The following PGBD5 variants were observed in gnomAD, a reference collection of about 807,000 sequenced individuals.
PGBD5 encodes piggyBac transposable element-derived protein 5.
Under a neutral mutation model 47.9 loss-of-function variants are expected in PGBD5, and 14 were observed. The ratio of observed to expected loss-of-function variants is 0.29; its 90% CI spans 0.19 to 0.46. PGBD5 has a LOEUF of 0.46. Among genes scored for constraint, PGBD5 ranks in the 20% least tolerant of loss-of-function variants. The pLI, the probability that PGBD5 is intolerant of heterozygous loss-of-function variation, is 1.00. For synonymous variants in PGBD5, 316 were observed against 306.3 expected (o/e 1.03, Z -0.33); for missense variants, 635 against 716.0 (o/e 0.89, Z 1.29).
rs79877199 is a variant in PGBD5 at position 230,352,987 on chromosome 1, T to C, written c.760-1895A>G. ...AAAGTGCACCTCTATTCCACTTGCA[T>C]TGAACATATGATCAGTTGCAAATTT... On this transcript the variant is annotated intron_variant, in intron 2 of 6. Transcript: ENST00000391860. Among the ~76,000 whole-genome samples the C allele has an allele frequency of 8.7e-4, 132 of 152,336 alleles. No individual in the cohort carries two copies. In the East Asian group the frequency reaches 0.021, roughly 25 times the overall value.
In PGBD5 at chr1:230,357,377, G is replaced by A. The variant is rs549098413; in HGVS notation, c.332-56C>T. ...TAGGACGGCCGCCACACCCTGACTC[G>A]ACACGAGAACGGCTGCATTTCCAAT... On this transcript the variant is annotated intron_variant, in intron 1 of 6. Coordinates refer to ENST00000391860, the MANE Select transcript of PGBD5 (RefSeq NM_001258311.2). The surrounding 1 kb of genome is among the most constrained non-coding windows in gnomAD (Gnocchi z 5.7). 1.2e-4 allele frequency: 183 copies of A among 1,559,230 alleles called. No individual in the cohort carries two copies. The highest frequency in any genetic ancestry group is 1.7e-4 in the Middle Eastern group (1 of 5,826).
At chr1:230,402,192 T>C (rs1657153714) in intron 1 of PGBD5, among the ~76,000 whole-genome samples, 1 of 152,212 alleles carries the variant, frequency 6.6e-6, no homozygotes, top group South Asian at 2.1e-4. Flanking sequence ...GAGCTACAGA[T>C]TCCATGTGAG....
chr1:230,367,386 T>C (rs553313191), intron 1 of PGBD5, among the ~76,000 whole-genome samples: 23 of 152,186 alleles, frequency 1.5e-4, no homozygotes, highest in African/African-American at 4.3e-4. Context: ...TCACCAGCCA[T>C]GTAGGGAGCA....
At chr1:230,365,196 C>G (rs1021759147) in intron 1 of PGBD5, among the ~76,000 whole-genome samples, 4 of 149,306 alleles carry the variant, frequency 2.7e-5, no homozygotes, top group African/African-American at 5.0e-5. Flanking sequence ...ACCTGTAGTC[C>G]CAGCTACTCA....
Position 230,392,996 on chromosome 1 carries a change from C to T in PGBD5, c.331+32602G>A, listed in dbSNP as rs560611075. 1.1e-4 allele frequency among the ~76,000 whole-genome samples: 14 copies of T among 121,968 alleles called. No homozygotes were observed. The East Asian group carries it at 1.2e-3, about 10-fold the overall frequency. The allele number at this position is 121,968 out of a possible 152,430, so 80.0% of individuals were successfully genotyped here. A position where few individuals can be genotyped will look rare whatever the true frequency, so the allele number is the denominator to read the frequency against. On this transcript the variant is annotated intron_variant, in intron 1 of 6. Transcript: ENST00000391860. ...GAGGAAAAGGGAGAGCAGTGGTGGG[C>T]GGGGGAGCAAATCAGGGAAAAGGAA...
Position 230,325,369 on chromosome 1 carries a change from G to A in PGBD5, c.1320C>T (p.Ala440=), listed in dbSNP as rs147906823. The change falls in exon 6 of 7, where the codon GCC becomes GCT. Residue 440 remains alanine (A), a synonymous_variant. Transcript: ENST00000391860. ...RKSGEIPCPL[A]VEAFAAHLSY... ...TCAGGTGAGCGGCAAACGCCTCCAC[G>A]GCCAAGGGGCATGGGATCTCCCCAC... 5.9e-5 allele frequency: 95 copies of A among 1,613,658 alleles called. No individual in the cohort carries two copies. Among genetic ancestry groups the A allele is most frequent in the Non-Finnish European group, 7.5e-5 (89 of 1,179,856 alleles).
rs1667038071 is a variant in PGBD5, at chr1:230,321,915, G to T, written c.*1510C>A. 1 of 152,606 alleles carries T rather than the reference G, an allele frequency of 6.6e-6. No homozygotes were observed. Among genetic ancestry groups the T allele is most frequent in the South Asian group, 2.1e-4 (1 of 4,834 alleles). 9.5% of individuals were successfully genotyped at this position (152,606 alleles called of 1,614,324 possible). A position where few individuals can be genotyped will look rare whatever the true frequency, so the allele number is the denominator to read the frequency against. ...CATCGATTCCAACCACAGGGCGGGG[G>T]AGTCACCATGATCTAGAGCACAGGA... On this transcript the variant is annotated 3_prime_UTR_variant, in exon 7 of 7. Transcript: ENST00000391860.
intron 1 of PGBD5, among the ~76,000 whole-genome samples, chr1:230,373,142 G>A (rs12739162): frequency 0.27 from 40,948 of 152,082 alleles, 6,694 homozygotes; most frequent in Non-Finnish European, 0.36. Context: ...GTTACAATTC[G>A]TGCATTTCAG....
intron 1 of PGBD5, among the ~76,000 whole-genome samples, chr1:230,400,861 C>T (rs948100290): frequency 6.6e-6 from 1 of 152,312 alleles, no homozygotes; most frequent in African/African-American, 2.4e-5. Flanking sequence ...AACAAAAAGG[C>T]TGCACAATTC....
chr1:230,406,249 A>T (rs1183890277), intron 1 of PGBD5, among the ~76,000 whole-genome samples: 1 of 146,354 alleles, frequency 6.8e-6, no homozygotes, highest in Non-Finnish European at 1.5e-5. Flanking sequence ...CAGAGCTTGC[A>T]GTGAGCCGAG....
In PGBD5 at chr1:230,323,336, C is replaced by T; in HGVS notation, c.*89G>A. On this transcript the variant is annotated 3_prime_UTR_variant, in exon 7 of 7. Transcript: ENST00000391860. The surrounding 1 kb of genome is among the most constrained non-coding windows in gnomAD (Gnocchi z 4.1). ...CCCAGGCAGCAAGCCACACACCAGG[C>T]CGTGTCCGGGTCTCTGATGGGCAAG... 4.1e-6 allele frequency: 6 copies of T among 1,467,914 alleles called. No homozygotes were observed. Among genetic ancestry groups the T allele is most frequent in the Admixed American group, 3.9e-5 (2 of 51,280 alleles). 90.9% of individuals were successfully genotyped at this position (1,467,914 alleles called of 1,614,324 possible). A position where few individuals can be genotyped will look rare whatever the true frequency, so the allele number is the denominator to read the frequency against.
intron 3 of PGBD5, among the ~76,000 whole-genome samples, chr1:230,349,959 T>C (rs952922555): frequency 4.6e-5 from 7 of 152,082 alleles, no homozygotes; most frequent in African/African-American, 1.7e-4. Flanking sequence ...AGATGGTGCT[T>C]TGGAGGGAAG....
At chr1:230,385,113 C>G (rs954569193) in intron 1 of PGBD5, among the ~76,000 whole-genome samples, 3 of 151,586 alleles carry the variant, frequency 2.0e-5, no homozygotes, top group African/African-American at 7.3e-5. Flanking sequence ...TATATTCACA[C>G]CCAGCGTTGG....
rs1666959915 is a variant in PGBD5 at position 230,316,870 on chromosome 1, G to A, written c.*6555C>T. ...TCGGATAGCTGGGAACACCGTCCCT[G>A]CTCATGTTTGGGGCGTGCTCCCCAG... On this transcript the variant is annotated 3_prime_UTR_variant, in exon 7 of 7. Transcript: ENST00000391860. The A allele has an allele frequency of 6.6e-6, 1 of 152,270 alleles. No individual in the cohort carries two copies. The highest frequency in any genetic ancestry group is 1.9e-4 in the East Asian group (1 of 5,196). The allele number at this position is 152,270 out of a possible 1,614,324, so 9.4% of individuals were successfully genotyped here.
Position 230,337,199 on chromosome 1 carries a change from G to A in PGBD5, c.984C>T (p.Ser328=), listed in dbSNP as rs1044600165. The A allele has an allele frequency of 1.2e-6, 2 of 1,614,092 alleles. No homozygotes were observed. The highest frequency in any genetic ancestry group is 1.3e-5 in the African/African-American group (1 of 74,944). The change falls in exon 4 of 7, where the codon AGC becomes AGT. Residue 328 remains serine (S), a synonymous_variant. Coordinates refer to ENST00000391860, the MANE Select transcript of PGBD5 (RefSeq NM_001258311.2). ...KPQLHSMVAR[S]LCRNAAGKNY... ...TCTTGCCTGCCGCGTTCCGGCACAGGCTCCTGGCCACCATGCTGTGGAGCT... is the reference window on the plus strand; with the variant it reads ...TCTTGCCTGCCGCGTTCCGGCACAGACTCCTGGCCACCATGCTGTGGAGCT...
chr1:230,374,198 C>T (rs1667977872), intron 1 of PGBD5, among the ~76,000 whole-genome samples: 2 of 152,150 alleles, frequency 1.3e-5, no homozygotes, highest in Admixed American at 1.3e-4. Flanking sequence ...GTGGGTGGAT[C>T]ATGAGGTCAG....
chr1:230,316,122 G>T lies in PGBD5; in HGVS notation c.*7303C>A, dbSNP rs913992940. ...TGTTTATGTGTACACATATATCTAT[G>T]TGTATACATACATATGTATATGTGT... On this transcript the variant is annotated 3_prime_UTR_variant, in exon 7 of 7. Coordinates refer to ENST00000391860, the MANE Select transcript of PGBD5 (RefSeq NM_001258311.2). The T allele has an allele frequency of 6.6e-6, 1 of 150,930 alleles. No individual in the cohort carries two copies. Among genetic ancestry groups the T allele is most frequent in the South Asian group, 2.1e-4 (1 of 4,768 alleles). The allele number at this position is 150,930 out of a possible 1,614,324, so 9.3% of individuals were successfully genotyped here.
intron 1 of PGBD5, among the ~76,000 whole-genome samples, chr1:230,398,892 G>C (rs117255963): frequency 1.3e-5 from 2 of 152,178 alleles, no homozygotes; most frequent in Admixed American, 1.3e-4. Context: ...AGAGCAGCTG[G>C]TCTGAAACAG....
Position 230,368,334 on chromosome 1 carries a change from G to C in PGBD5, c.332-11013C>G, listed in dbSNP as rs144326285. Among the ~76,000 whole-genome samples the C allele has an allele frequency of 3.9e-3, 587 of 152,396 alleles. 4 individuals are homozygous for C. The highest frequency in any genetic ancestry group is 0.014 in the African/African-American group (567 of 41,602). ...ACCGGGAAGAGTGTGCGGCCCGGCA[G>C]GGCAGGACCAAGGAGTCTGACTGCT... On this transcript the variant is annotated intron_variant, in intron 1 of 6. Coordinates refer to ENST00000391860, the MANE Select transcript of PGBD5 (RefSeq NM_001258311.2).
Sources: allele counts gnomAD v4.1 joint callset (sites outside exome capture counted in the v4.1 genomes callset), GRCh38; gene constraint gnomAD v4.1.1; non-coding constraint Gnocchi (gnomAD v3.1); transcripts MANE v1.5; gene names NCBI Gene and HGNC (gene_info 2026-07-23, HGNC 2026-07-21).